NEDD4: variants seen among roughly 807,000 people sequenced by gnomAD.
NEDD4 encodes NEDD4 E3 ubiquitin protein ligase, also known as E3 ubiquitin-protein ligase NEDD4.
Under a neutral mutation model 144.9 loss-of-function variants are expected in NEDD4, and 99 were observed. The observed-to-expected ratio is 0.68, with a 90% CI of 0.58 to 0.81. NEDD4 has a LOEUF of 0.81. Ranked by LOEUF, NEDD4 falls within the 30% of genes least tolerant of loss-of-function variation. NEDD4 has a pLI of 0.00. For synonymous variants in NEDD4, 318 were observed against 350.6 expected (o/e 0.91, Z 1.04); for missense variants, 985 against 1,065.9 (o/e 0.92, Z 1.06).
chr15:55,834,128 C>A lies in NEDD4; in HGVS notation c.2340G>T (p.Leu780=). 2 of 1,613,468 alleles carry A rather than the reference C, an allele frequency of 1.2e-6. No individual in the cohort carries two copies. The highest frequency in any genetic ancestry group is 2.2e-5 in the East Asian group (1 of 44,858). ...ENELELLMCG[L]GDVDVNDWRE... ...TCCAGTCATTCACATCAACATCTCC[C>A]AGTCCACACATAAGAAGCTACATAA... is the stretch of plus-strand genomic sequence containing the variant. Residue 780 remains leucine, a synonymous_variant, in exon 26 of 29, where the codon CTG becomes CTT. Coordinates refer to ENST00000435532, the MANE Select transcript of NEDD4 (RefSeq NM_006154.4).
chr15:55,970,793 T>C (rs1376367858), intron 1 of NEDD4, among the ~76,000 whole-genome samples: 1 of 152,160 alleles, frequency 6.6e-6, no homozygotes, highest in African/African-American at 2.4e-5. Context: ...CTCTGAATAC[T>C]TGGAAAGCCT....
At chr15:55,907,858 A>G (rs541470144) in intron 5 of NEDD4, among the ~76,000 whole-genome samples, 20 of 152,306 alleles carry the variant, frequency 1.3e-4, no homozygotes, top group African/African-American at 4.1e-4. Flanking sequence ...AGGAAACTTG[A>G]TCTGAGCCTC....
chr15:55,838,062 G>A (rs935268730), intron 23 of NEDD4, 45 bp downstream of exon 23: 4 of 1,212,130 alleles, frequency 3.3e-6, no homozygotes, highest in Non-Finnish European at 3.5e-6. Context: ...CTGGAATAAA[G>A]TACAAAATTA....
intron 5 of NEDD4, among the ~76,000 whole-genome samples, chr15:55,882,036 G>C (rs2035212763): frequency 6.6e-6 from 1 of 152,154 alleles, no homozygotes; most frequent in African/African-American, 2.4e-5. Flanking sequence ...GAAGGTATAA[G>C]ACCAAATGTT....
chr15:55,916,470 C>T, intron 5 of NEDD4: 1 of 1,614,040 alleles, frequency 6.2e-7, no homozygotes, highest in African/African-American at 1.3e-5. Flanking sequence ...ACTGTAAATA[C>T]CATCCTTCAA....
intron 12 of NEDD4, 122 bp downstream of exon 12, chr15:55,856,009 G>T: frequency 2.7e-6 from 2 of 751,400 alleles, no homozygotes; most frequent in Non-Finnish European, 4.5e-6. Context: ...ACCACCTGGA[G>T]CCTACATTCT....
At chr15:55,882,565 G>A (rs1296773666) in intron 5 of NEDD4, among the ~76,000 whole-genome samples, 1 of 152,188 alleles carries the variant, frequency 6.6e-6, no homozygotes, top group Non-Finnish European at 1.5e-5. Flanking sequence ...GCACTCTGGG[G>A]TTCTAAATAA....
At position 55,840,531 on chromosome 15, in the gene NEDD4, A is replaced by G; in HGVS notation, c.1961-14T>C. On this transcript the variant is annotated splice_polypyrimidine_tract_variant and intron_variant, in intron 20 of 28. Coordinates refer to ENST00000435532, the MANE Select transcript of NEDD4 (RefSeq NM_006154.4). ...GGATGAAAAAACCTTGCAAAAAACC[A>G]AATACATTTAGGATGATTACCAAGT... is the stretch of plus-strand genomic sequence containing the variant. 1 of 1,614,000 alleles carries G rather than the reference A, an allele frequency of 6.2e-7. No individual in the cohort carries two copies. The highest frequency in any genetic ancestry group is 8.5e-7 in the Non-Finnish European group (1 of 1,179,942).
chr15:55,856,582 C>G, intron 11 of NEDD4, among the ~76,000 whole-genome samples: 1 of 149,000 alleles, frequency 6.7e-6, no homozygotes, highest in Admixed American at 6.8e-5. Context: ...AGTCTTACTT[C>G]CTTAAGTCCA....
At chr15:55,855,760 ATTC>A (rs1309630123) in intron 12 of NEDD4, among the ~76,000 whole-genome samples, 10 of 152,246 alleles carry the variant, frequency 6.6e-5, no homozygotes, top group Non-Finnish European at 1.5e-5. Context: ...AACCCTGGCT[ATTC>A]TTCATGTACA....
chr15:55,874,943 C>T lies in NEDD4; in HGVS notation c.292-935G>A, dbSNP rs76707347. Among the ~76,000 whole-genome samples the T allele has an allele frequency of 5.3e-3, 800 of 151,708 alleles. 5 individuals carry two copies. The highest frequency in any genetic ancestry group is 7.3e-3 in the Non-Finnish European group (495 of 67,932). ...GAGCCTGGACCATGCCACTGCACTC[C>T]AGCTTGGGTGACAGAGTAAGACTCC... On this transcript the variant is annotated intron_variant, in intron 5 of 28. Coordinates refer to ENST00000435532, the MANE Select transcript of NEDD4 (RefSeq NM_006154.4).
At chr15:55,967,248 C>T (rs1040319788) in intron 1 of NEDD4, among the ~76,000 whole-genome samples, 7 of 152,020 alleles carry the variant, frequency 4.6e-5, no homozygotes, top group African/African-American at 1.7e-4. Context: ...CAACAGACAA[C>T]AGAGTATATA....
intron 4 of NEDD4, among the ~76,000 whole-genome samples, chr15:55,938,806 T>C (rs916859596): frequency 1.3e-5 from 2 of 148,290 alleles, no homozygotes; most frequent in Non-Finnish European, 3.0e-5. Context: ...ACAACAACAA[T>C]AACAAAATAA....
At chr15:55,948,163 A>G (rs1176632683) in intron 4 of NEDD4, among the ~76,000 whole-genome samples, 1 of 152,130 alleles carries the variant, frequency 6.6e-6, no homozygotes, top group East Asian at 1.9e-4. Flanking sequence ...AATTACAGAC[A>G]AACAGAGAGC....
chr15:55,845,657 ATT>A (rs2033708915), intron 18 of NEDD4, among the ~76,000 whole-genome samples: 1 of 152,164 alleles, frequency 6.6e-6, no homozygotes, highest in Non-Finnish European at 1.5e-5. Context: ...TAGTGCTTCT[ATT>A]CCTCCAGCGT....
At chr15:55,959,124 A>T (rs1296329270) in intron 2 of NEDD4, among the ~76,000 whole-genome samples, 13 of 151,620 alleles carry the variant, frequency 8.6e-5, no homozygotes, top group Admixed American at 7.9e-4. Context: ...ATTCATTTAT[A>T]TCTTGCTCCT....
intron 1 of NEDD4, among the ~76,000 whole-genome samples, chr15:55,969,336 A>C (rs1462195060): frequency 6.6e-6 from 1 of 152,128 alleles, no homozygotes; most frequent in African/African-American, 2.4e-5. Context: ...CAAGATCCTA[A>C]ATAAACTTAA....
intron 2 of NEDD4, among the ~76,000 whole-genome samples, chr15:55,954,824 G>A (rs1458039387): frequency 2.0e-5 from 3 of 151,888 alleles, no homozygotes; most frequent in African/African-American, 4.8e-5. Context: ...GTGCCTAGCC[G>A]AGTTTTGCCA....
chr15:55,863,453 T>C (rs989127122), intron 8 of NEDD4, among the ~76,000 whole-genome samples: 1 of 152,074 alleles, frequency 6.6e-6, no homozygotes, highest in Admixed American at 6.5e-5. Flanking sequence ...AACAAAAAAG[T>C]AATAAAAGTA....
Sources: gnomAD v4.1 joint callset for allele counts (sites outside exome capture counted in the v4.1 genomes callset) on GRCh38, gnomAD v4.1.1 for gene constraint, MANE v1.5 for transcripts, NCBI Gene and HGNC (gene_info 2026-07-23, HGNC 2026-07-21) for gene names.